ADAMTS20: variants seen among roughly 807,000 people sequenced by gnomAD.
ADAMTS20 encodes the protein A disintegrin and metalloproteinase with thrombospondin motifs 20.
A neutral mutation model predicts 260.1 loss-of-function variants in ADAMTS20; 225 were observed. The ratio of observed to expected loss-of-function variants is 0.87; its 90% CI spans 0.78 to 0.97. The LOEUF is 0.97. Among genes scored for constraint, ADAMTS20 ranks in the 50% least tolerant of loss-of-function variants. The probability of loss-of-function intolerance (pLI) is 0.00; values close to 1 mark genes in which losing one functional copy is unlikely to be tolerated. For missense variants in ADAMTS20, 2,400 were observed against 2,337.7 expected (o/e 1.03, Z -0.55); for synonymous variants, 802 against 769.5 (o/e 1.04, Z -0.70).
intron 28 of ADAMTS20, among the ~76,000 whole-genome samples, chr12:43,415,553 T>C (rs981616149): frequency 6.6e-6 from 1 of 152,206 alleles, no homozygotes; most frequent in Non-Finnish European, 1.5e-5. Flanking sequence ...AGCCTTTATG[T>C]CACAGGCCCT....
intron 28 of ADAMTS20, among the ~76,000 whole-genome samples, chr12:43,420,374 T>C (rs574985663): frequency 6.6e-6 from 1 of 152,204 alleles, no homozygotes; most frequent in Non-Finnish European, 1.5e-5. Context: ...GTAGAAAACA[T>C]AATAAATGGA....
intron 4 of ADAMTS20, among the ~76,000 whole-genome samples, chr12:43,500,942 G>T (rs957071987): frequency 3.3e-5 from 5 of 151,736 alleles, no homozygotes; most frequent in African/African-American, 9.7e-5. Flanking sequence ...ATATGCCCTT[G>T]CTAAGTCTTT....
At chr12:43,526,856 T>C (rs1943150350) in intron 3 of ADAMTS20, among the ~76,000 whole-genome samples, 1 of 151,876 alleles carries the variant, frequency 6.6e-6, no homozygotes. Context: ...CCGAATGAAA[T>C]TGAAACCACA....
chr12:43,399,174 GA>G lies in ADAMTS20; in HGVS notation c.4343del (p.Phe1448SerfsTer5). ...AATTTGTGTCTTCTAATTTCCTTTG[GA>G]ATTGGTCAATGCAAAACACTTCACG... Reference protein sequence around the residue: ...KYREVFCIDQFQRKLEDTNCS... With the variant: ...KYREVFCIDQXQRKLEDTNCS... On this transcript the variant is annotated frameshift_variant, in exon 29 of 39. Transcript: ENST00000389420. LOFTEE classifies it high-confidence loss of function. 6.3e-7 allele frequency: 1 copy of G among 1,578,126 alleles called. No individual in the cohort carries two copies. Among genetic ancestry groups the G allele is most frequent in the Non-Finnish European group, 8.6e-7 (1 of 1,160,424 alleles).
intron 19 of ADAMTS20, 49 bp downstream of exon 19, chr12:43,434,196 C>T: frequency 3.3e-6 from 5 of 1,512,648 alleles, no homozygotes; most frequent in Non-Finnish European, 3.6e-6. Context: ...ACATTTTAAT[C>T]TTAGCTCACT....
chr12:43,478,140 G>A (rs1158837481), intron 7 of ADAMTS20, among the ~76,000 whole-genome samples: 2 of 151,984 alleles, frequency 1.3e-5, no homozygotes. Flanking sequence ...TTAAGAAAAT[G>A]AAATTCAATT....
At chr12:43,425,737 T>A (rs1345081136) in intron 27 of ADAMTS20, 47 bp from the exon 28 acceptor site, 2 of 1,306,942 alleles carry the variant, frequency 1.5e-6, no homozygotes, top group Non-Finnish European at 2.1e-6. Context: ...TTAAAGAGAA[T>A]AATGTATTGC....
intron 19 of ADAMTS20, 118 bp from the exon 20 acceptor site, chr12:43,432,929 A>G: frequency 1.2e-6 from 1 of 864,992 alleles, no homozygotes; most frequent in Non-Finnish European, 1.8e-6. Flanking sequence ...ACCACCAAAA[A>G]ACAAAACCAG....
chr12:43,483,763 T>A (rs1364517813), intron 7 of ADAMTS20, among the ~76,000 whole-genome samples: 1 of 152,172 alleles, frequency 6.6e-6, no homozygotes, highest in Non-Finnish European at 1.5e-5. Context: ...CAGCCTGCTC[T>A]GTCAAGGCTG....
Position 43,434,138 on chromosome 12 carries a change from A to G in ADAMTS20, c.2720+107T>C. On this transcript the variant is annotated intron_variant, in intron 19 of 38. Coordinates refer to ENST00000389420, the MANE Select transcript of ADAMTS20 (RefSeq NM_025003.5). ...CTGAAATTTTTTCATGGCATGGCAG[A>G]TGATGAGTAATAATTGCATGTCCAT... The G allele has an allele frequency of 5.8e-6, 7 of 1,198,918 alleles. No homozygotes were observed. The South Asian group carries it at 1.1e-4, about 20-fold the overall frequency. The allele number at this position is 1,198,918 out of a possible 1,614,324, so 74.3% of individuals were successfully genotyped here. A position where few individuals can be genotyped will look rare whatever the true frequency, so the allele number is the denominator to read the frequency against.
chr12:43,378,493 A>G (rs761489783), intron 31 of ADAMTS20, among the ~76,000 whole-genome samples: 2 of 152,224 alleles, frequency 1.3e-5, no homozygotes, highest in Non-Finnish European at 2.9e-5. Context: ...GGGTCTTGCC[A>G]CAGTAGAGAG....
At chr12:43,537,074 T>G (rs1943305742) in intron 2 of ADAMTS20, among the ~76,000 whole-genome samples, 1 of 152,148 alleles carries the variant, frequency 6.6e-6, no homozygotes, top group Non-Finnish European at 1.5e-5. Flanking sequence ...TTTCATTCAT[T>G]TATTTATTAT....
At chr12:43,472,207 G>A (rs11182097) in intron 7 of ADAMTS20, among the ~76,000 whole-genome samples, 34,154 of 147,646 alleles carry the variant, frequency 0.23, 4,175 homozygotes, top group African/African-American at 0.32. Flanking sequence ...CTCAGGAGCC[G>A]ATGCGATCAA....
chr12:43,412,679 G>A (rs1374835427), intron 28 of ADAMTS20, among the ~76,000 whole-genome samples: 3 of 152,062 alleles, frequency 2.0e-5, no homozygotes, highest in East Asian at 3.9e-4. Flanking sequence ...GTCCATGAGT[G>A]AGGGAGGCAT....
At chr12:43,422,457 G>T in intron 28 of ADAMTS20, among the ~76,000 whole-genome samples, 1 of 151,708 alleles carries the variant, frequency 6.6e-6, no homozygotes, top group East Asian at 1.9e-4. Context: ...TGTTATATTT[G>T]GTATTGACAA....
chr12:43,376,415 G>T, intron 33 of ADAMTS20, 85 bp from the exon 34 acceptor site: 1 of 1,444,536 alleles, frequency 6.9e-7, no homozygotes, highest in Non-Finnish European at 9.4e-7. Flanking sequence ...GCTACACTCT[G>T]AATATCTGAC....
chr12:43,387,833 G>A (rs191734070), intron 29 of ADAMTS20, among the ~76,000 whole-genome samples: 129 of 152,288 alleles, frequency 8.5e-4, no homozygotes, highest in Admixed American at 1.4e-3. Context: ...TACACTGTGA[G>A]AGGAAAACTG....
chr12:43,501,481 G>GCA (rs3036317), intron 4 of ADAMTS20, among the ~76,000 whole-genome samples: 16,786 of 117,532 alleles, frequency 0.14, 1,400 homozygotes, highest in Non-Finnish European at 0.2. Context: ...GCGCGCGCGC[G>GCA]CACACACACA....
At chr12:43,532,793 G>A (rs1184171907) in intron 2 of ADAMTS20, among the ~76,000 whole-genome samples, 1 of 57,034 alleles carries the variant, frequency 1.8e-5, no homozygotes, top group African/African-American at 6.6e-5. Flanking sequence ...CTATGAGTGA[G>A]AATATGCGGT....
Sources: allele counts gnomAD v4.1 joint callset (sites outside exome capture counted in the v4.1 genomes callset), GRCh38; gene constraint gnomAD v4.1.1; transcripts MANE v1.5; gene names NCBI Gene and HGNC (gene_info 2026-07-23, HGNC 2026-07-21).